Variants in ATXN2L observed in about 807,000 individuals in gnomAD.
The protein encoded by ATXN2L is ataxin 2 like.
Under a neutral mutation model 120.7 loss-of-function variants are expected in ATXN2L, and 24 were observed. The ratio of observed to expected loss-of-function variants is 0.20; its 90% confidence interval spans 0.14 to 0.28. The LOEUF (loss-of-function observed/expected upper bound fraction) is 0.28, where lower values mean the gene tolerates loss of function less well. ATXN2L is among the 10% of genes least tolerant of loss of function. The probability of loss-of-function intolerance (pLI) is 1.00; values close to 1 mark genes in which losing one functional copy is unlikely to be tolerated. For missense variants in ATXN2L, 1,312 were observed against 1,432.3 expected, an observed-to-expected ratio of 0.92 and a Z score of 1.36; for synonymous variants, 653 against 568.1, an observed-to-expected ratio of 1.15 and a Z score of -2.13.
At chr16:28,827,244 G>A (rs1157001004) in intron 6 of ATXN2L, among the ~76,000 whole-genome samples, 1 of 152,038 alleles carries the variant, frequency 6.6e-6, no homozygotes, top group Non-Finnish European at 1.5e-5. Context: ...GACCAGTCTG[G>A]GCAACATGGT....
intron 15 of ATXN2L, chr16:28,833,797 G>A (rs2055439543): frequency 4.9e-6 from 3 of 610,332 alleles, no homozygotes; most frequent in East Asian, 5.6e-5. Context: ...GTATTGGAGT[G>A]GGGTAGTCAT....
Position 28,835,372 on chromosome 16 carries a change from C to T in ATXN2L, c.2658C>T (p.Ser886=). ...CGCCTACTGGAAGCCAGCCGCAGTC[C>T]CAGCATGCGGCCCCCAGTCCTGTCC... ...ATTPTGSQPQ[S]QHAAPSPVQH... The change falls in exon 20 of 22, where the codon TCC becomes TCT. Residue 886 remains serine, a synonymous_variant. Transcript: ENST00000336783. 2 of 1,613,174 alleles carry T rather than the reference C, an allele frequency of 1.2e-6. No homozygotes were observed. Among genetic ancestry groups the T allele is most frequent in the African/African-American group, 1.3e-5 (1 of 75,040 alleles).
At chr16:28,826,420 G>A (rs755634610) in intron 5 of ATXN2L, 30 bp downstream of exon 5, 1 of 1,609,288 alleles carries the variant, frequency 6.2e-7, no homozygotes, top group East Asian at 2.2e-5. Context: ...CCTCAGACCT[G>A]CTCTGTGTGC....
Position 28,823,227 on chromosome 16 carries a change from T to A in ATXN2L, c.-33T>A. The A allele has an allele frequency of 8.2e-7, 1 of 1,220,180 alleles. No homozygotes were observed. The highest frequency in any genetic ancestry group is 1.1e-6 in the Non-Finnish European group (1 of 940,944). 75.6% of individuals were successfully genotyped at this position (1,220,180 alleles called of 1,614,324 possible). A position where few individuals can be genotyped will look rare whatever the true frequency, so the allele number is the denominator to read the frequency against. On this transcript the variant is annotated 5_prime_UTR_variant, in exon 1 of 22. Transcript: ENST00000336783. Reference sequence around the variant, plus strand: ...AGCCCCGGCCCCCTCTCTCCCTCCCTTCTCTCTAATTCCCCTTCCGGACGC... The same window carrying A: ...AGCCCCGGCCCCCTCTCTCCCTCCCATCTCTCTAATTCCCCTTCCGGACGC...
Position 28,834,425 on chromosome 16 carries a change from G to T in ATXN2L, c.2245+10G>T, listed in dbSNP as rs749894049. The T allele has an allele frequency of 1.2e-6, 2 of 1,613,848 alleles. No homozygotes were observed. Among genetic ancestry groups the T allele is most frequent in the African/African-American group, 2.7e-5 (2 of 74,922 alleles). ...TACCGGGGAGCAAAAGGTGAGCAGG[G>T]CTGGGAGGGGCAGGCGGCGAGGCTG... On this transcript the variant is annotated intron_variant, in intron 17 of 21. Coordinates refer to ENST00000336783, the MANE Select transcript of ATXN2L (RefSeq NM_007245.4).
intron 8 of ATXN2L, among the ~76,000 whole-genome samples, chr16:28,830,407 T>C (rs913730235): frequency 2.0e-5 from 3 of 152,174 alleles, no homozygotes; most frequent in African/African-American, 7.2e-5. Flanking sequence ...GCCAGGTTGG[T>C]TGGCTCAGAG....
At position 28,835,659 on chromosome 16, in the gene ATXN2L, C is replaced by T. The variant is rs1169628425; in HGVS notation, c.2796C>T (p.Ala932=). The part of the protein sequence containing the change: ...TPPSLPPGPS[A]QSPQSSFPQP... ...CCTCTCTGCCACCGGGACCTTCTGCCCAGTCCCCTCAGAGCAGCTTCCCCC... is the reference window on the plus strand; with the variant it reads ...CCTCTCTGCCACCGGGACCTTCTGCTCAGTCCCCTCAGAGCAGCTTCCCCC... The change falls in exon 21 of 22, where the codon GCC becomes GCT. Residue 932 remains alanine (A), a synonymous_variant. Transcript: ENST00000336783. 3 of 1,614,098 alleles carry T rather than the reference C, an allele frequency of 1.9e-6. No individual in the cohort carries two copies. The highest frequency in any genetic ancestry group is 1.7e-5 in the Admixed American group (1 of 60,024).
chr16:28,824,464 G>T lies in ATXN2L; in HGVS notation c.300-902G>T, dbSNP rs952578269. ...GCGCTGTCCCCCAGCCCCGCCAGCG[G>T]CCCCCTCTTCGCCCTCAACCGCCGG... On this transcript the variant is annotated intron_variant, in intron 1 of 21. Transcript: ENST00000336783. The T allele has an allele frequency of 9.3e-6, 12 of 1,287,582 alleles. No homozygotes were observed. The African/African-American group carries it at 1.7e-4, about 18-fold the overall frequency. 79.8% of individuals were successfully genotyped at this position (1,287,582 alleles called of 1,614,324 possible).
chr16:28,830,768 T>C lies in ATXN2L; in HGVS notation c.1188T>C (p.Ser396=), dbSNP rs1394100851. The C allele has an allele frequency of 1.2e-6, 2 of 1,607,518 alleles. No individual in the cohort carries two copies. Among genetic ancestry groups the C allele is most frequent in the Non-Finnish European group, 1.7e-6 (2 of 1,177,288 alleles). ...ACAACAGCAGCCCTGGCCCAGGTTC[T>C]GAGGCCCGTGGTATCAATGGAGGTG... ...HLDNSSPGPG[S]EARGINGGPS... The change falls in exon 9 of 22, where the codon TCT becomes TCC. Residue 396 remains serine, a synonymous_variant. Coordinates refer to ENST00000336783, the MANE Select transcript of ATXN2L (RefSeq NM_007245.4).
intron 1 of ATXN2L, 126 bp from the exon 2 acceptor site, chr16:28,825,240 G>C: frequency 1.1e-6 from 1 of 939,442 alleles, no homozygotes; most frequent in African/African-American, 1.7e-5. Context: ...AAATCTTACT[G>C]ATTAACAATT....
chr16:28,832,603 T>C (rs756881017), intron 12 of ATXN2L, 36 bp downstream of exon 12: 3 of 1,597,420 alleles, frequency 1.9e-6, no homozygotes, highest in South Asian at 2.2e-5. Context: ...GGATTAATGC[T>C]CCTTTGTCTG....
At chr16:28,829,776 T>A in intron 7 of ATXN2L, 82 bp from the exon 8 acceptor site, 1 of 1,438,212 alleles carries the variant, frequency 7.0e-7, no homozygotes, top group Non-Finnish European at 9.8e-7. Flanking sequence ...AACTGGTGAT[T>A]GGACTTGTTG....
At position 28,836,359 on chromosome 16, in the gene ATXN2L, G is replaced by T; in HGVS notation, c.*94G>T. 1 of 1,613,428 alleles carries T rather than the reference G, an allele frequency of 6.2e-7. No individual in the cohort carries two copies. Among genetic ancestry groups the T allele is most frequent in the Non-Finnish European group, 8.5e-7 (1 of 1,179,878 alleles). ...GTGGGCAGAAGCCACAGTCGCCGCCGCCAGGGGCTTGCTCCTGGCTCTGTC... is the reference window on the plus strand; with the variant it reads ...GTGGGCAGAAGCCACAGTCGCCGCCTCCAGGGGCTTGCTCCTGGCTCTGTC... On this transcript the variant is annotated 3_prime_UTR_variant, in exon 22 of 22. Coordinates refer to ENST00000336783, the MANE Select transcript of ATXN2L (RefSeq NM_007245.4).
Position 28,823,084 on chromosome 16 carries a change from T to A in ATXN2L, c.-176T>A. ...CCCCTCCCCTTCCGCCTCGCGGCGC[T>A]TCCTCGCGCCGCGGTCTTCTCTCTC... On this transcript the variant is annotated 5_prime_UTR_variant, in exon 1 of 22. Coordinates refer to ENST00000336783, the MANE Select transcript of ATXN2L (RefSeq NM_007245.4). The A allele has an allele frequency of 1.9e-5, 3 of 158,988 alleles. No homozygotes were observed. Among genetic ancestry groups the A allele is most frequent in the Non-Finnish European group, 3.8e-5 (3 of 78,044 alleles). 9.8% of individuals were successfully genotyped at this position (158,988 alleles called of 1,614,324 possible).
At position 28,836,832 on chromosome 16, in the gene ATXN2L, T is replaced by C. The variant is rs922844182; in HGVS notation, c.*567T>C. 1.2e-6 allele frequency: 2 copies of C among 1,608,712 alleles called. No individual in the cohort carries two copies. The highest frequency in any genetic ancestry group is 8.5e-7 in the Non-Finnish European group (1 of 1,175,908). ...CATGAGTGGAGGGAAGAGTGATCTA[T>C]GTCTCTTCCCCCAGCAGCTCGGACC... On this transcript the variant is annotated 3_prime_UTR_variant, in exon 22 of 22. Coordinates refer to ENST00000336783, the MANE Select transcript of ATXN2L (RefSeq NM_007245.4).
Position 28,831,061 on chromosome 16 carries a change from C to T in ATXN2L, c.1310C>T (p.Pro437Leu). The T allele has an allele frequency of 5.0e-6, 8 of 1,605,382 alleles. No individual in the cohort carries two copies. The highest frequency in any genetic ancestry group is 6.8e-6 in the Non-Finnish European group (8 of 1,175,404). ...CCTTCTGGAGAAACTTCTGTTCCACCTCCTCCTGCAGGTAAAGCTTTAGTA... is the reference window on the plus strand; with the variant it reads ...CCTTCTGGAGAAACTTCTGTTCCACTTCCTCCTGCAGGTAAAGCTTTAGTA... ...NRPSGETSVP[P>L]PPAVGRMYPP... Residue 437 changes from proline (P) to leucine (L), a missense_variant, in exon 10 of 22, where the codon CCT becomes CTT. Pro to Leu is a moderately conservative substitution (Grantham distance 98). Transcript: ENST00000336783.
Position 28,833,366 on chromosome 16 carries a change from G to C in ATXN2L, c.1955+12G>C, listed in dbSNP as rs763628472. The C allele has an allele frequency of 6.2e-7, 1 of 1,613,452 alleles. No homozygotes were observed. The highest frequency in any genetic ancestry group is 1.3e-5 in the African/African-American group (1 of 75,052). On this transcript the variant is annotated intron_variant, in intron 14 of 21. Transcript: ENST00000336783. Reference sequence around the variant, plus strand: ...GGCCCTGTTGCTGAGTGAGTGGAGCGGGGTGGGGCTCTGGGAGGATGGCAG... The same window carrying C: ...GGCCCTGTTGCTGAGTGAGTGGAGCCGGGTGGGGCTCTGGGAGGATGGCAG...
intron 10 of ATXN2L, 86 bp from the exon 11 acceptor site, chr16:28,832,119 A>G (rs2054711366): frequency 6.9e-7 from 1 of 1,445,470 alleles, no homozygotes; most frequent in East Asian, 2.3e-5. Context: ...ATAGTGTGTA[A>G]ACTTTCTTGC....
At position 28,836,506 on chromosome 16, in the gene ATXN2L, A is replaced by C; in HGVS notation, c.*241A>C. The C allele has an allele frequency of 6.2e-7, 1 of 1,603,900 alleles. No homozygotes were observed. Among genetic ancestry groups the C allele is most frequent in the Non-Finnish European group, 8.5e-7 (1 of 1,175,294 alleles). ...CCGAGGTAAGGTCAGTGCAGCAGAC[A>C]GGGCCAGACTGGGGTGTGGGGGGCT... On this transcript the variant is annotated 3_prime_UTR_variant, in exon 22 of 22. Transcript: ENST00000336783.
Sources: allele counts gnomAD v4.1 joint callset (sites outside exome capture counted in the v4.1 genomes callset), GRCh38; gene constraint gnomAD v4.1.1; transcripts MANE v1.5; gene names NCBI Gene and HGNC (gene_info 2026-07-23, HGNC 2026-07-21).